Variants in FHIP1A observed in about 807,000 individuals in gnomAD.
The protein encoded by FHIP1A is FHF complex subunit HOOK-interacting protein 1A.
FHIP1A carries 61 observed loss-of-function variants against 88.6 expected under a neutral mutation model. The ratio of observed to expected loss-of-function variants is 0.69; its 90% confidence interval spans 0.56 to 0.85. The LOEUF (loss-of-function observed/expected upper bound fraction) is 0.85, where lower values mean the gene tolerates loss of function less well. FHIP1A is among the 40% of genes least tolerant of loss of function. The pLI is 0.00. For synonymous variants in FHIP1A, 478 were observed against 496.0 expected, an observed-to-expected ratio of 0.96 and a Z score of 0.48; for missense variants, 1,154 against 1,273.5, an observed-to-expected ratio of 0.91 and a Z score of 1.43.
intron 1 of FHIP1A, among the ~76,000 whole-genome samples, chr4:151,418,170 T>C (rs943360413): frequency 5.9e-5 from 3 of 50,880 alleles, no homozygotes; most frequent in Non-Finnish European, 9.3e-5. Context: ...GGAACCTATC[T>C]CTAAAAAAAA....
In FHIP1A at chr4:151,635,675, A is replaced by ATT. The variant is rs112426034; in HGVS notation, c.1147-3001_1147-3000insTT. 3.1e-3 allele frequency among the ~76,000 whole-genome samples: 473 copies of ATT among 152,042 alleles called. 2 individuals carry two copies. The highest frequency in any genetic ancestry group is 0.011 in the African/African-American group (460 of 41,558). ...ATTCCACTCATGTAAGGGATCTAAA[A>ATT]TAGTCAAACTTAAAGAAACAGAGGG... On this transcript the variant is annotated intron_variant, in intron 8 of 13. Transcript: ENST00000435205.
intron 8 of FHIP1A, among the ~76,000 whole-genome samples, chr4:151,634,459 A>C (rs1736273692): frequency 6.6e-6 from 1 of 151,862 alleles, no homozygotes; most frequent in South Asian, 2.1e-4. Context: ...AGCTGAAATA[A>C]TATTGAAAAA....
intron 2 of FHIP1A, among the ~76,000 whole-genome samples, chr4:151,474,474 C>T (rs576160966): frequency 6.6e-5 from 10 of 152,244 alleles, no homozygotes; most frequent in Non-Finnish European, 1.0e-4. Context: ...TTTTGTTTTT[C>T]GCTTGACGTT....
rs34481805 is a variant in FHIP1A, at chr4:151,500,438, C to CAA, written c.-123+17809_-123+17810dup. 7.4e-3 allele frequency among the ~76,000 whole-genome samples: 787 copies of CAA among 106,644 alleles called. 7 individuals are homozygous for CAA. The highest frequency in any genetic ancestry group is 0.02 in the African/African-American group (560 of 28,330). The allele number at this position is 106,644 out of a possible 152,430, so 70.0% of individuals were successfully genotyped here. On this transcript the variant is annotated intron_variant, in intron 3 of 13. Transcript: ENST00000435205. ...CGATTGTATGGAGGTCAGCCATTCTCAAAAAAAAAAAAAAAAAAAAGACTT... is the reference window on the plus strand; with the variant it reads ...CGATTGTATGGAGGTCAGCCATTCTCAAAAAAAAAAAAAAAAAAAAAAGACTT...
intron 3 of FHIP1A, among the ~76,000 whole-genome samples, chr4:151,489,963 CT>C (rs951934348): frequency 6.6e-6 from 1 of 152,202 alleles, no homozygotes; most frequent in African/African-American, 2.4e-5. Flanking sequence ...GAGCACTTAT[CT>C]TTGCCTATGT....
At chr4:151,455,243 A>G (rs1299493643) in intron 2 of FHIP1A, among the ~76,000 whole-genome samples, 1 of 152,216 alleles carries the variant, frequency 6.6e-6, no homozygotes, top group African/African-American at 2.4e-5. Flanking sequence ...AATTAAAGCT[A>G]TCAAAGCCAA....
At chr4:151,416,620 A>C (rs2126511694) in intron 1 of FHIP1A, among the ~76,000 whole-genome samples, 1 of 152,314 alleles carries the variant, frequency 6.6e-6, no homozygotes, top group African/African-American at 2.4e-5. Flanking sequence ...CCTCAAAATA[A>C]GGATGATGTC....
chr4:151,532,382 C>T (rs1026785626), intron 3 of FHIP1A, among the ~76,000 whole-genome samples: 2 of 152,184 alleles, frequency 1.3e-5, no homozygotes, highest in Non-Finnish European at 2.9e-5. Flanking sequence ...GCCAGTCCTC[C>T]AAACACACAC....
intron 1 of FHIP1A, among the ~76,000 whole-genome samples, chr4:151,451,157 A>G (rs988963495): frequency 2.6e-5 from 4 of 151,744 alleles, no homozygotes; most frequent in Non-Finnish European, 4.4e-5. Flanking sequence ...CTTTTTCTGT[A>G]TTTGTACCCT....
In FHIP1A at chr4:151,477,261, C is replaced by A. The variant is rs114691307; in HGVS notation, c.-247-5263C>A. Among the ~76,000 whole-genome samples the A allele has an allele frequency of 5.3e-3, 806 of 152,238 alleles. 5 individuals are homozygous for A. Among genetic ancestry groups the A allele is most frequent in the Non-Finnish European group, 7.6e-3 (519 of 67,998 alleles). ...TTAGCATACAATAAAGGTGGTATTT[C>A]AAATTAGTCGGGTAAAGTTGCTCAG... On this transcript the variant is annotated intron_variant, in intron 2 of 13. Transcript: ENST00000435205.
At chr4:151,504,561 T>A (rs914324842) in intron 3 of FHIP1A, among the ~76,000 whole-genome samples, 1 of 143,412 alleles carries the variant, frequency 7.0e-6, no homozygotes, top group Admixed American at 7.2e-5. Flanking sequence ...TGGGAAAAAA[T>A]TTTATGTTAT....
At chr4:151,515,340 C>G (rs1731189154) in intron 3 of FHIP1A, among the ~76,000 whole-genome samples, 1 of 151,568 alleles carries the variant, frequency 6.6e-6, no homozygotes, top group Non-Finnish European at 1.5e-5. Context: ...AACCCACAGC[C>G]AATATCATAC....
At chr4:151,485,422 T>C (rs1730048372) in intron 3 of FHIP1A, among the ~76,000 whole-genome samples, 1 of 151,978 alleles carries the variant, frequency 6.6e-6, no homozygotes, top group South Asian at 2.1e-4. Context: ...TTTAAGTGTA[T>C]AGTGCCACAC....
intron 7 of FHIP1A, among the ~76,000 whole-genome samples, chr4:151,621,910 C>A (rs1203397024): frequency 1.3e-5 from 2 of 152,016 alleles, no homozygotes; most frequent in African/African-American, 4.8e-5. Flanking sequence ...GAAAATTTCC[C>A]CTGCTGTTCA....
chr4:151,618,179 A>G (rs905247190), intron 7 of FHIP1A, among the ~76,000 whole-genome samples: 1 of 152,254 alleles, frequency 6.6e-6, no homozygotes, highest in Admixed American at 6.5e-5. Flanking sequence ...AGATGTGTCA[A>G]AAGAAAGTGG....
At chr4:151,438,835 G>A (rs904396826) in intron 1 of FHIP1A, among the ~76,000 whole-genome samples, 4 of 151,752 alleles carry the variant, frequency 2.6e-5, no homozygotes, top group Non-Finnish European at 4.4e-5. Flanking sequence ...TAGAGAATGG[G>A]GTCTTGCTGT....
At chr4:151,442,847 C>T (rs1728461060) in intron 1 of FHIP1A, among the ~76,000 whole-genome samples, 1 of 152,098 alleles carries the variant, frequency 6.6e-6, no homozygotes, top group Non-Finnish European at 1.5e-5. Flanking sequence ...GATTTCCTTA[C>T]TGTTATGGTA....
At chr4:151,453,120 G>A (rs771693989) in intron 1 of FHIP1A, among the ~76,000 whole-genome samples, 2 of 151,676 alleles carry the variant, frequency 1.3e-5, no homozygotes, top group Non-Finnish European at 1.5e-5. Flanking sequence ...GGGTTCAAGC[G>A]ATTCTCTTGT....
chr4:151,573,229 A>G (rs1733659421), intron 4 of FHIP1A, among the ~76,000 whole-genome samples: 1 of 152,060 alleles, frequency 6.6e-6, no homozygotes, highest in Non-Finnish European at 1.5e-5. Flanking sequence ...GTGATACTTT[A>G]CATTTAGGAT....
Sources: gnomAD v4.1 joint callset for allele counts (sites outside exome capture counted in the v4.1 genomes callset) on GRCh38, gnomAD v4.1.1 for gene constraint, MANE v1.5 for transcripts, NCBI Gene and HGNC (gene_info 2026-07-23, HGNC 2026-07-21) for gene names.